DPP10: variants seen among roughly 807,000 people sequenced by gnomAD.
The protein encoded by DPP10 is dipeptidyl peptidase like 10.
DPP10 carries 33 observed loss-of-function variants against 120.9 expected under a neutral mutation model. That is an observed-to-expected ratio of 0.27 (90% confidence interval 0.21 to 0.37). DPP10 has a LOEUF of 0.37. Ranked by LOEUF, DPP10 falls within the 10% of genes least tolerant of loss-of-function variation. The probability of loss-of-function intolerance (pLI) is 1.00; values close to 1 mark genes in which losing one functional copy is unlikely to be tolerated. For synonymous variants in DPP10, 337 were observed against 326.1 expected (o/e 1.03, Z -0.36); for missense variants, 816 against 942.8 (o/e 0.87, Z 1.76).
intron 5 of DPP10, among the ~76,000 whole-genome samples, chr2:115,580,552 G>C (rs1209111475): frequency 6.6e-6 from 1 of 152,072 alleles, no homozygotes; most frequent in Non-Finnish European, 1.5e-5. Flanking sequence ...ATGTGCTCCT[G>C]CAGGCACGCT....
chr2:115,150,724 T>G (rs571605154), intron 1 of DPP10, among the ~76,000 whole-genome samples: 34 of 152,338 alleles, frequency 2.2e-4, no homozygotes, highest in African/African-American at 6.7e-4. Flanking sequence ...CTTAGTGACA[T>G]GAGGTATTGG....
chr2:114,525,769 A>G (rs1219754785), intron 1 of DPP10, among the ~76,000 whole-genome samples: 1 of 152,224 alleles, frequency 6.6e-6, no homozygotes, highest in East Asian at 1.9e-4. Flanking sequence ...GTATGATTTT[A>G]TGAACATCTC....
intron 1 of DPP10, among the ~76,000 whole-genome samples, chr2:114,650,438 T>C (rs908457052): frequency 3.3e-5 from 5 of 152,204 alleles, no homozygotes; most frequent in Non-Finnish European, 7.3e-5. Context: ...GTGATACATG[T>C]ACGCTACATG....
chr2:114,702,512 T>C (rs1700445306), intron 1 of DPP10, among the ~76,000 whole-genome samples: 1 of 152,048 alleles, frequency 6.6e-6, no homozygotes, highest in Admixed American at 6.6e-5. Flanking sequence ...AGTGGCATTA[T>C]ATAATTTAAG....
At chr2:115,322,014 T>C (rs941908594) in intron 2 of DPP10, among the ~76,000 whole-genome samples, 7 of 152,190 alleles carry the variant, frequency 4.6e-5, no homozygotes, top group African/African-American at 1.7e-4. Context: ...TTAAAGTCAT[T>C]CTCTATTGAG....
At chr2:115,348,630 A>C (rs2063831459) in intron 3 of DPP10, among the ~76,000 whole-genome samples, 1 of 152,096 alleles carries the variant, frequency 6.6e-6, no homozygotes, top group Non-Finnish European at 1.5e-5. Flanking sequence ...TTTTATTTTT[A>C]AACTTTGTTT....
intron 5 of DPP10, among the ~76,000 whole-genome samples, chr2:115,639,850 A>G (rs931669369): frequency 1.3e-5 from 2 of 152,132 alleles, no homozygotes; most frequent in Non-Finnish European, 2.9e-5. Flanking sequence ...TGACAGATTC[A>G]TGCTAACGTC....
intron 1 of DPP10, among the ~76,000 whole-genome samples, chr2:115,041,927 G>A (rs1348118619): frequency 2.0e-5 from 3 of 150,462 alleles, no homozygotes; most frequent in Non-Finnish European, 4.4e-5. Context: ...CATTCTGTTG[G>A]TTGTTGGTTT....
intron 1 of DPP10, chr2:114,463,454 T>G (rs1248854680): frequency 6.6e-6 from 1 of 152,210 alleles, no homozygotes. Flanking sequence ...GAAAAATAGC[T>G]TTACCAACTA....
At chr2:115,773,939 C>T (rs78480460) in intron 13 of DPP10, among the ~76,000 whole-genome samples, 2,620 of 151,944 alleles carry the variant, frequency 0.017, 83 homozygotes, top group African/African-American at 0.059. Context: ...CAACTTGTTC[C>T]CCATACCATA....
intron 8 of DPP10, among the ~76,000 whole-genome samples, chr2:115,733,672 C>G (rs1160354519): frequency 6.6e-6 from 1 of 151,496 alleles, no homozygotes; most frequent in Non-Finnish European, 1.5e-5. Context: ...AACTGACAAA[C>G]TAAAAATGGA....
chr2:115,013,433 C>T (rs1702402419), intron 1 of DPP10, among the ~76,000 whole-genome samples: 2 of 151,990 alleles, frequency 1.3e-5, no homozygotes, highest in African/African-American at 2.4e-5. Context: ...AACATTTTTT[C>T]CTTCATTTCA....
chr2:114,937,204 A>T (rs1193342537), intron 1 of DPP10, among the ~76,000 whole-genome samples: 1 of 152,126 alleles, frequency 6.6e-6, no homozygotes, highest in Non-Finnish European at 1.5e-5. Flanking sequence ...GTTATCTTCT[A>T]GGATCTTTAT....
chr2:114,499,890 A>T (rs1472293627), intron 1 of DPP10, among the ~76,000 whole-genome samples: 1 of 152,180 alleles, frequency 6.6e-6, no homozygotes, highest in Admixed American at 6.5e-5. Flanking sequence ...CCCCTGTGAA[A>T]ATTTTCTATT....
At chr2:115,426,731 A>G (rs1163095196) in intron 3 of DPP10, among the ~76,000 whole-genome samples, 1 of 152,196 alleles carries the variant, frequency 6.6e-6, no homozygotes, top group Non-Finnish European at 1.5e-5. Flanking sequence ...AGTGGGGTCA[A>G]ACATCCAAAC....
intron 1 of DPP10, among the ~76,000 whole-genome samples, chr2:115,068,359 C>G (rs1252311633): frequency 6.6e-6 from 1 of 151,692 alleles, no homozygotes; most frequent in East Asian, 1.9e-4. Flanking sequence ...CTATTGGCCA[C>G]TTATATGTCT....
At chr2:114,746,806 T>A (rs2106013902) in intron 1 of DPP10, among the ~76,000 whole-genome samples, 1 of 152,306 alleles carries the variant, frequency 6.6e-6, no homozygotes, top group Non-Finnish European at 1.5e-5. Context: ...GAAACCTGAA[T>A]GAGTAATCAC....
chr2:115,345,671 T>C (rs190189927), intron 3 of DPP10, among the ~76,000 whole-genome samples: 18 of 152,274 alleles, frequency 1.2e-4, no homozygotes, highest in African/African-American at 4.3e-4. Context: ...GCTTGGACTA[T>C]TTAGAGGCAT....
chr2:115,721,373 A>G (rs1575600849), intron 7 of DPP10, among the ~76,000 whole-genome samples: 1 of 152,346 alleles, frequency 6.6e-6, no homozygotes, highest in African/African-American at 2.4e-5. Flanking sequence ...CTAGCCTTCA[A>G]GCTGCCCTAT....
Sources: allele counts gnomAD v4.1 joint callset (sites outside exome capture counted in the v4.1 genomes callset), GRCh38; gene constraint gnomAD v4.1.1; transcripts MANE v1.5; gene names NCBI Gene and HGNC (gene_info 2026-07-23, HGNC 2026-07-21).